Variants in PABPN1 observed in about 807,000 individuals in gnomAD.
PABPN1 encodes poly(A) binding protein nuclear 1.
PABPN1 carries 5 observed loss-of-function variants against 33.4 expected under a neutral mutation model. That is an observed-to-expected ratio of 0.15 (90% CI 0.08 to 0.32). The LOEUF is 0.32. Ranked by LOEUF, PABPN1 falls within the 10% of genes least tolerant of loss-of-function variation. PABPN1 has a pLI of 1.00. For missense variants in PABPN1, 312 were observed against 425.8 expected (o/e 0.73, Z 2.35); for synonymous variants, 176 against 170.6 (o/e 1.03, Z -0.25).
At chr14:23,323,817 T>A in intron 4 of PABPN1, 148 bp from the exon 5 acceptor site, 1 of 904,224 alleles carries the variant, frequency 1.1e-6, no homozygotes, top group Non-Finnish European at 1.7e-6. Context: ...TTAAATGATT[T>A]CGAATGATTG....
intron 2 of PABPN1, chr14:23,322,626 A>G: frequency 2.2e-6 from 1 of 459,828 alleles, no homozygotes; most frequent in South Asian, 2.2e-5. Context: ...GAGACGCTTT[A>G]GGATTCTAAG....
chr14:23,324,615 C>T, intron 6 of PABPN1: 1 of 534,624 alleles, frequency 1.9e-6, no homozygotes, highest in South Asian at 2.3e-5. Flanking sequence ...GGCCTCCAGG[C>T]AGTGAAAGCA....
At chr14:23,324,608 C>T (rs553099574) in intron 6 of PABPN1, 1 of 547,856 alleles carries the variant, frequency 1.8e-6, no homozygotes, top group African/African-American at 1.9e-5. Context: ...GGAACAGGGC[C>T]TCCAGGCAGT....
chr14:23,324,202 G>C lies in PABPN1; in HGVS notation c.794G>C (p.Arg265Pro). 6.2e-7 allele frequency: 1 copy of C among 1,614,172 alleles called. No individual in the cohort carries two copies. The highest frequency in any genetic ancestry group is 1.1e-5 in the South Asian group (1 of 91,088). Residue 265 changes from arginine to proline, a missense_variant, in exon 6 of 7, where the codon CGC (arginine) becomes CCC (proline). Arg to Pro is a moderately radical substitution (Grantham distance 103, BLOSUM62 -2). This residue lies in a region of PABPN1 where 68 missense variants were observed against 71.1 expected (regional missense o/e 0.96). Transcript: ENST00000216727. ...ACAGACCGGGGTTTTCCACGAGCCC[G>C]CTACCGCGCCCGGACCACCAACTAC... ...STTDRGFPRA[R>P]YRARTTNYNS...
In PABPN1 at chr14:23,322,183, G is replaced by A; in HGVS notation, c.354G>A (p.Glu118=). Residue 118 remains glutamate, a splice_region_variant and synonymous_variant, in exon 2 of 7, where the codon GAG becomes GAA. Transcript: ENST00000216727. Reference sequence around the variant, plus strand: ...CATACCCTCCCCACTTATATTAGGAGCTGGAAGCTATCAAAGCTCGAGTCA... The same window carrying A: ...CATACCCTCCCCACTTATATTAGGAACTGGAAGCTATCAAAGCTCGAGTCA... ...DPGDGAIEDP[E]LEAIKARVRE... The A allele has an allele frequency of 1.9e-6, 3 of 1,604,964 alleles. No individual in the cohort carries two copies. The highest frequency in any genetic ancestry group is 2.6e-6 in the Non-Finnish European group (3 of 1,175,724).
chr14:23,322,790 TATTA>T (rs758021783), intron 2 of PABPN1: 11 of 619,806 alleles, frequency 1.8e-5, no homozygotes, highest in East Asian at 2.8e-5. Context: ...TTTAAGTGTG[TATTA>T]ATTCTTTCAA....
In PABPN1 at chr14:23,324,687, G is replaced by A. The variant is rs141115765; in HGVS notation, c.881+398G>A. Reference sequence around the variant, plus strand: ...AGGGATTGAAGACTGAACCTCCCTTGGAAGAATACCAGAGGCTAGCTAGTT... The same window carrying A: ...AGGGATTGAAGACTGAACCTCCCTTAGAAGAATACCAGAGGCTAGCTAGTT... On this transcript the variant is annotated intron_variant, in intron 6 of 6. Coordinates refer to ENST00000216727, the MANE Select transcript of PABPN1 (RefSeq NM_004643.4). The A allele has an allele frequency of 1.2e-3, 431 of 345,728 alleles. 1 individual carries two copies. Among genetic ancestry groups the A allele is most frequent in the African/African-American group, 8.6e-3 (416 of 48,146 alleles). The allele number at this position is 345,728 out of a possible 1,614,324, so 21.4% of individuals were successfully genotyped here. A position where few individuals can be genotyped will look rare whatever the true frequency, so the allele number is the denominator to read the frequency against.
At chr14:23,324,942 G>C (rs2039737472) in intron 6 of PABPN1, 1 of 361,446 alleles carries the variant, frequency 2.8e-6, no homozygotes, top group Non-Finnish European at 5.0e-6. Context: ...GATGGCCTAG[G>C]GTTTAAGAGC....
intron 6 of PABPN1, chr14:23,324,657 TAGGG>T: frequency 2.5e-6 from 1 of 400,748 alleles, no homozygotes; most frequent in Non-Finnish European, 4.6e-6. Flanking sequence ...TTTTCGGAGT[TAGGG>T]AGGGATTGAA....
At chr14:23,325,060 C>T (rs1888640357) in intron 6 of PABPN1, 187 bp from the exon 7 acceptor site, 7 of 703,556 alleles carry the variant, frequency 9.9e-6, no homozygotes, top group Middle Eastern at 4.4e-4. Context: ...TGTTAAGCCC[C>T]CCTCCCCCTG....
Position 23,324,309 on chromosome 14 carries a change from T to C in PABPN1, c.881+20T>C. ...CTACAGGTCAGGATAGATGGGCTGC[T>C]CCTCTTTCCCCCGCCTCCCGTGAGC... On this transcript the variant is annotated intron_variant, in intron 6 of 6. Coordinates refer to ENST00000216727, the MANE Select transcript of PABPN1 (RefSeq NM_004643.4). 6.2e-7 allele frequency: 1 copy of C among 1,609,598 alleles called. No homozygotes were observed. Among genetic ancestry groups the C allele is most frequent in the Non-Finnish European group, 8.5e-7 (1 of 1,179,972 alleles).
chr14:23,322,550 ATCTT>A (rs1566468303), intron 2 of PABPN1: 4 of 528,772 alleles, frequency 7.6e-6, no homozygotes, highest in African/African-American at 3.8e-5. Context: ...GTCTACGTCT[ATCTT>A]TCTTTGTAGA....
intron 6 of PABPN1, 86 bp from the exon 7 acceptor site, chr14:23,325,161 T>C (rs1888650875): frequency 6.4e-6 from 10 of 1,574,776 alleles, no homozygotes; most frequent in Middle Eastern, 1.7e-4. Context: ...CCCTTCACAG[T>C]AACTGGGGCA....
At position 23,325,334 on chromosome 14, in the gene PABPN1, GA is replaced by G. The variant is rs751517593; in HGVS notation, c.*58del. The G allele has an allele frequency of 1.6e-3, 1,654 of 1,059,960 alleles. No individual in the cohort carries two copies. The highest frequency in any genetic ancestry group is 1.6e-3 in the Non-Finnish European group (1,243 of 780,816). 65.7% of individuals were successfully genotyped at this position (1,059,960 alleles called of 1,614,324 possible). A position where few individuals can be genotyped will look rare whatever the true frequency, so the allele number is the denominator to read the frequency against. On this transcript the variant is annotated 3_prime_UTR_variant, in exon 7 of 7. Transcript: ENST00000216727. ...AGAGAGGAAAAAAAGAGGAAAGAAG[GA>G]AAAAAAAAAGAATTAAAAAAAAAAA...
intron 3 of PABPN1, 59 bp from the exon 4 acceptor site, chr14:23,323,318 G>C: frequency 1.9e-6 from 3 of 1,553,652 alleles, no homozygotes; most frequent in Non-Finnish European, 1.8e-6. Context: ...AGGCTCGGGA[G>C]GGTTCCTTTT....
At chr14:23,322,324 C>G (rs773369842) in intron 2 of PABPN1, 29 bp downstream of exon 2, 1 of 1,568,800 alleles carries the variant, frequency 6.4e-7, no homozygotes, top group South Asian at 1.2e-5. Context: ...CACGCGGAGC[C>G]CGGGTTCTCG....
chr14:23,322,901 C>G, intron 2 of PABPN1, 98 bp from the exon 3 acceptor site: 1 of 1,562,078 alleles, frequency 6.4e-7, no homozygotes, highest in Non-Finnish European at 8.8e-7. Flanking sequence ...TTTGCCTTCA[C>G]TGAGCTTATG....
In PABPN1 at chr14:23,325,907, T is replaced by C. The variant is rs1360172169; in HGVS notation, c.*621T>C. The C allele has an allele frequency of 1.3e-5, 2 of 152,940 alleles. No individual in the cohort carries two copies. Among genetic ancestry groups the C allele is most frequent in the Non-Finnish European group, 2.9e-5 (2 of 68,272 alleles). 9.5% of individuals were successfully genotyped at this position (152,940 alleles called of 1,614,324 possible). Reference sequence around the variant, plus strand: ...TCCGTTCCGCTCCCAGCGGCTCCAGTGTAAATTCCCCTTCCCCCTGGGGAA... The same window carrying C: ...TCCGTTCCGCTCCCAGCGGCTCCAGCGTAAATTCCCCTTCCCCCTGGGGAA... On this transcript the variant is annotated 3_prime_UTR_variant, in exon 7 of 7. Transcript: ENST00000216727.
intron 4 of PABPN1, 104 bp downstream of exon 4, chr14:23,323,587 T>C: frequency 1.1e-5 from 12 of 1,075,544 alleles, no homozygotes; most frequent in Non-Finnish European, 1.7e-5. Flanking sequence ...ACACAGGTGA[T>C]CTGTGTCATT....
Sources: allele counts gnomAD v4.1 joint callset, GRCh38; gene constraint gnomAD v4.1.1; regional missense constraint gnomAD v4.1.1; transcripts MANE v1.5; gene names NCBI Gene and HGNC (gene_info 2026-07-23, HGNC 2026-07-21).